PHYKPL: variants seen among roughly 807,000 people sequenced by gnomAD.
The protein encoded by PHYKPL is 5-phosphonooxy-L-lysine phospho-lyase.
A neutral mutation model predicts 51.3 loss-of-function variants in PHYKPL; 42 were observed. The observed-to-expected ratio is 0.82, with a 90% CI of 0.64 to 1.06. The LOEUF is 1.06. Among genes scored for constraint, PHYKPL ranks in the 50% least tolerant of loss-of-function variants. PHYKPL has a pLI of 0.00. For missense variants in PHYKPL, 655 were observed against 586.6 expected, an observed-to-expected ratio of 1.12 and a Z score of -1.20; for synonymous variants, 264 against 236.0, an observed-to-expected ratio of 1.12 and a Z score of -1.09.
intron 12 of PHYKPL, chr5:178,209,533 G>A (rs1757525550): frequency 1.7e-6 from 2 of 1,156,468 alleles, no homozygotes; most frequent in African/African-American, 3.0e-5. Flanking sequence ...CTCTGGTGCT[G>A]TGCAGCAGGG....
At chr5:178,207,604 T>C (rs1757130515), downstream of PHYKPL, among the ~76,000 whole-genome samples, 1 of 151,886 alleles carries the variant, frequency 6.6e-6, no homozygotes. Flanking sequence ...TCACTGATTC[T>C]CCTCTGTGGT....
intron 12 of PHYKPL, chr5:178,210,988 A>T (rs964510207): frequency 8.4e-6 from 2 of 239,160 alleles, no homozygotes; most frequent in Non-Finnish European, 1.6e-5. Context: ...TCACCTTTTA[A>T]TTTTATATTA....
At chr5:178,210,487 T>TATC in intron 12 of PHYKPL, 1 of 1,534,932 alleles carries the variant, frequency 6.5e-7, no homozygotes, top group East Asian at 2.3e-5. Context: ...GGAAGATGCA[T>TATC]ATCAAGCGCG....
At position 178,213,573 on chromosome 5, in the gene PHYKPL, A is replaced by C. The variant is rs537259429; in HGVS notation, c.1173-470T>G. ...GGGTTATCTTACAATTCCAGTTTAA[A>C]ATGTCCAATTATTCTTAGGAAGATG... On this transcript the variant is annotated intron_variant, in intron 10 of 12. Transcript: ENST00000308158. Among the ~76,000 whole-genome samples the C allele has an allele frequency of 1.4e-4, 21 of 152,310 alleles. 1 individual carries two copies. Among genetic ancestry groups the C allele is most frequent in the African/African-American group, 5.1e-4 (21 of 41,562 alleles).
intron 1 of PHYKPL, chr5:178,232,284 C>A: frequency 8.0e-7 from 1 of 1,245,248 alleles, no homozygotes; most frequent in Non-Finnish European, 1.0e-6. Flanking sequence ...GAGGCGGCCC[C>A]GGAGACCACC....
intron 8 of PHYKPL, among the ~76,000 whole-genome samples, chr5:178,219,452 AT>A (rs528510112): frequency 0.04 from 5,698 of 141,742 alleles, 270 homozygotes; most frequent in African/African-American, 0.12. Flanking sequence ...ACAAATAGGC[AT>A]TTTTTTTTTT....
chr5:178,230,793 C>CTAG (rs983247961), intron 2 of PHYKPL: 24 of 154,690 alleles, frequency 1.6e-4, no homozygotes, highest in African/African-American at 5.8e-4. Context: ...AAGTGGGTAC[C>CTAG]TAGTATCATT....
rs771172738 is a variant in PHYKPL, at chr5:178,231,535, G to A, written c.60-12C>T. 6.2e-7 allele frequency: 1 copy of A among 1,614,166 alleles called. No homozygotes were observed. Among genetic ancestry groups the A allele is most frequent in the East Asian group, 2.2e-5 (1 of 44,876 alleles). ...GTCTGCAGGAAGAGCTGTGGGGACAGGCAAGGAGTGGACAGCCATGTCTGA... is the reference window on the plus strand; with the variant it reads ...GTCTGCAGGAAGAGCTGTGGGGACAAGCAAGGAGTGGACAGCCATGTCTGA... On this transcript the variant is annotated splice_polypyrimidine_tract_variant and intron_variant, in intron 1 of 12. Coordinates refer to ENST00000308158, the MANE Select transcript of PHYKPL (RefSeq NM_153373.4).
Position 178,231,438 on chromosome 5 carries a change from C to G in PHYKPL, c.145G>C (p.Glu49Gln). The G allele has an allele frequency of 1.9e-6, 3 of 1,614,220 alleles. No individual in the cohort carries two copies. The highest frequency in any genetic ancestry group is 2.5e-6 in the Non-Finnish European group (3 of 1,180,042). The change falls in exon 2 of 13, where the codon GAA becomes CAA. Residue 49 changes from glutamate to glutamine, a missense_variant. Glu to Gln is a conservative substitution (Grantham distance 29, BLOSUM62 2). Transcript: ENST00000308158. Reference protein sequence around the residue: ...GQYMYDEQGAEYIDCISNVAH... With the variant: ...GQYMYDEQGAQYIDCISNVAH... ...ACATTGCTGATGCAATCGATGTATT[C>G]TGCCCCCTGTTCATCGTACATGTAC...
intron 8 of PHYKPL, among the ~76,000 whole-genome samples, chr5:178,218,506 A>G (rs1481493516): frequency 6.6e-6 from 1 of 152,150 alleles, no homozygotes; most frequent in Admixed American, 6.6e-5. Context: ...TTTCTAAAAG[A>G]GATCCCAGGG....
intron 12 of PHYKPL, chr5:178,210,372 AGGCCT>A: frequency 6.3e-7 from 1 of 1,589,826 alleles, no homozygotes; most frequent in South Asian, 1.1e-5. Context: ...GGAGTCAGAC[AGGCCT>A]GGCTCAGCCA....
At chr5:178,225,549 T>G in intron 3 of PHYKPL, 120 bp from the exon 4 acceptor site, 2 of 908,844 alleles carry the variant, frequency 2.2e-6, no homozygotes. Context: ...AACTAGTCAG[T>G]CACTTGCTTG....
In PHYKPL at chr5:178,226,078, C is replaced by CTT. The variant is rs112189205; in HGVS notation, c.339-651_339-650dup. The CTT allele has an allele frequency of 8.9e-3, 1,212 of 136,742 alleles. 24 individuals carry two copies. Among genetic ancestry groups the CTT allele is most frequent in the African/African-American group, 0.025 (904 of 35,950 alleles). 8.5% of individuals were successfully genotyped at this position (136,742 alleles called of 1,614,324 possible). On this transcript the variant is annotated intron_variant, in intron 3 of 12. Transcript: ENST00000308158. ...ACCATGCTGGCCACCTTTGGAATTTCTTTTTTTTTTTTTTTTTGAGACAGT... is the reference window on the plus strand; with the variant it reads ...ACCATGCTGGCCACCTTTGGAATTTCTTTTTTTTTTTTTTTTTTTGAGACAGT...
downstream of PHYKPL, chr5:178,207,222 C>T: frequency 2.5e-6 from 4 of 1,614,052 alleles, no homozygotes; most frequent in Non-Finnish European, 3.4e-6. Context: ...TCAGTGGAAG[C>T]AAGGTAAGGT....
intron 3 of PHYKPL, 113 bp from the exon 4 acceptor site, chr5:178,225,542 TAGTC>T (rs1762118420): frequency 1.0e-6 from 1 of 960,694 alleles, no homozygotes; most frequent in South Asian, 1.4e-5. Flanking sequence ...GGACATCAAC[TAGTC>T]AGTCACTTGC....
intron 6 of PHYKPL, chr5:178,223,749 G>C (rs918529554): frequency 1.2e-5 from 4 of 327,918 alleles, no homozygotes; most frequent in Admixed American, 8.5e-5. Flanking sequence ...CCTTCAGAGA[G>C]CCCTCACCTG....
chr5:178,210,902 C>A (rs187811984), intron 12 of PHYKPL: 14 of 495,302 alleles, frequency 2.8e-5, no homozygotes, highest in Admixed American at 3.6e-5. Flanking sequence ...TTCCTGCTGC[C>A]GCTCTGCAGC....
intron 8 of PHYKPL, among the ~76,000 whole-genome samples, chr5:178,217,257 G>C (rs1298972954): frequency 6.8e-6 from 1 of 147,300 alleles, no homozygotes; most frequent in East Asian, 2.0e-4. Context: ...CAGTCTCGCT[G>C]TCACCCAGGA....
chr5:178,232,446 T>TCCGCGCAGCCCCGCGCC (rs1554119870), intron 1 of PHYKPL, 46 bp downstream of exon 1: 4 of 1,379,416 alleles, frequency 2.9e-6, no homozygotes, highest in East Asian at 3.1e-5. Flanking sequence ...CGCGTGCCTC[T>TCCGCGCAGCCCCGCGCC]CCGCGCAGCC....
Sources: gnomAD v4.1 joint callset for allele counts (sites outside exome capture counted in the v4.1 genomes callset) on GRCh38, gnomAD v4.1.1 for gene constraint, MANE v1.5 for transcripts, NCBI Gene and HGNC (gene_info 2026-07-23, HGNC 2026-07-21) for gene names.